HTR3A: variants seen among roughly 807,000 people sequenced by gnomAD.
HTR3A encodes the protein 5-hydroxytryptamine (serotonin) receptor 3A, ionotropic.
A neutral mutation model predicts 54.8 loss-of-function variants in HTR3A; 45 were observed. The ratio of observed to expected loss-of-function variants is 0.82; its 90% CI spans 0.65 to 1.05. HTR3A has a LOEUF of 1.05. Ranked by LOEUF, HTR3A falls within the 50% of genes least tolerant of loss-of-function variation. HTR3A has a pLI of 0.00. For synonymous variants in HTR3A, 297 were observed against 256.0 expected (o/e 1.16, Z -1.53); for missense variants, 657 against 614.0 (o/e 1.07, Z -0.74).
At chr11:113,984,641 G>A (rs1414169425) in intron 5 of HTR3A, among the ~76,000 whole-genome samples, 2 of 151,896 alleles carry the variant, frequency 1.3e-5, no homozygotes, top group African/African-American at 2.4e-5. Flanking sequence ...CCCCCAGGCC[G>A]GGCGCGGTGG....
chr11:113,986,478 G>A (rs768486238), intron 6 of HTR3A, 40 bp from the exon 7 acceptor site: 1 of 1,607,896 alleles, frequency 6.2e-7, no homozygotes, highest in South Asian at 1.1e-5. Context: ...AGCAGAGCCT[G>A]TTTGCCCCAG....
chr11:113,989,760 T>G lies in HTR3A; in HGVS notation c.1434T>G (p.Ala478=). The part of the protein sequence containing the change: ...LVMLWSIWQY[A] The stretch of plus-strand genomic sequence containing the variant: ...TGCTCTGGTCCATCTGGCAGTACGC[T>G]TGAGTGGGTACAGCCCAGTGGAGGA... Residue 478 remains alanine (A), a synonymous_variant, in exon 9 of 9, where the codon GCT becomes GCG. Coordinates refer to ENST00000504030, the MANE Select transcript of HTR3A (RefSeq NM_000869.6). The surrounding 1 kb of genome is among the most constrained non-coding windows in gnomAD (Gnocchi z 4.4). 6.2e-7 allele frequency: 1 copy of G among 1,609,656 alleles called. No individual in the cohort carries two copies. The highest frequency in any genetic ancestry group is 8.5e-7 in the Non-Finnish European group (1 of 1,179,978).
rs74353090 is a variant in HTR3A at position 113,983,880 on chromosome 11, C to T, written c.544+591C>T. 2.8e-3 allele frequency among the ~76,000 whole-genome samples: 433 copies of T among 152,198 alleles called. 14 individuals carry two copies. The East Asian group carries it at 0.046, about 16-fold the overall frequency. On this transcript the variant is annotated intron_variant, in intron 5 of 8. Coordinates refer to ENST00000504030, the MANE Select transcript of HTR3A (RefSeq NM_000869.6). Reference sequence around the variant, plus strand: ...AAGCCAGTGAGATTTTAGTAAAATGCGAATCTGACCGTGTCACTTAAAACC... The same window carrying T: ...AAGCCAGTGAGATTTTAGTAAAATGTGAATCTGACCGTGTCACTTAAAACC...
chr11:113,981,424 G>T, intron 4 of HTR3A, 112 bp downstream of exon 4: 1 of 734,532 alleles, frequency 1.4e-6, no homozygotes. Flanking sequence ...ACCAGGAATT[G>T]CAGACTGTAG....
At chr11:113,983,967 C>G (rs1950456819) in intron 5 of HTR3A, among the ~76,000 whole-genome samples, 1 of 152,222 alleles carries the variant, frequency 6.6e-6, no homozygotes, top group Admixed American at 6.5e-5. Flanking sequence ...CTGCCACAGC[C>G]AGCTGCTCCA....
In HTR3A at chr11:113,975,394, T is replaced by A; in HGVS notation, c.67+2T>A. The A allele has an allele frequency of 1.2e-6, 2 of 1,611,090 alleles. No individual in the cohort carries two copies. Among genetic ancestry groups the A allele is most frequent in the Non-Finnish European group, 1.7e-6 (2 of 1,179,592 alleles). On this transcript the variant is annotated splice_donor_variant, in intron 1 of 8. Coordinates refer to ENST00000504030, the MANE Select transcript of HTR3A (RefSeq NM_000869.6). LOFTEE classifies it high-confidence loss of function. ...CCACACTCCTGGCACAGGGAGAAGG[T>A]AAGCAGACTTCGGGAAGCAGCAGGA... is the stretch of plus-strand genomic sequence containing the variant.
At chr11:113,983,349 A>C in intron 5 of HTR3A, 60 bp downstream of exon 5, 6 of 1,589,952 alleles carry the variant, frequency 3.8e-6, no homozygotes, top group Non-Finnish European at 5.2e-6. Flanking sequence ...GGGACACCTG[A>C]GCGAGGAGTG....
chr11:113,982,271 A>C (rs1199976232), intron 4 of HTR3A, among the ~76,000 whole-genome samples: 1 of 152,214 alleles, frequency 6.6e-6, no homozygotes, highest in Non-Finnish European at 1.5e-5. Context: ...GGAAGGTGAC[A>C]GGTGGGATCA....
chr11:113,988,838 C>CTATT (rs1950520947), intron 8 of HTR3A, among the ~76,000 whole-genome samples: 1 of 152,136 alleles, frequency 6.6e-6, no homozygotes, highest in Non-Finnish European at 1.5e-5. Context: ...TTTTGTGAGG[C>CTATT]TATTGTGAGG....
Position 113,983,153 on chromosome 11 carries a change from C to T in HTR3A, c.408C>T (p.Tyr136=), listed in dbSNP as rs150595107. The T allele has an allele frequency of 2.1e-4, 342 of 1,614,218 alleles. No homozygotes were observed. In the African/African-American group the frequency reaches 2.2e-3, roughly 10 times the overall value. The change falls in exon 5 of 9, where the codon TAC becomes TAT. Residue 136 remains tyrosine (Y), a synonymous_variant. Coordinates refer to ENST00000504030, the MANE Select transcript of HTR3A (RefSeq NM_000869.6). Reference sequence around the variant, plus strand: ...TGGGGAAGTCTCCAAATATCCCGTACGTGTATATTCGGCATCAAGGCGAAG... The same window carrying T: ...TGGGGAAGTCTCCAAATATCCCGTATGTGTATATTCGGCATCAAGGCGAAG... ...VDVGKSPNIP[Y]VYIRHQGEVQ... is the part of the protein sequence containing the mutation.
At chr11:113,975,485 G>C in intron 1 of HTR3A, 93 bp downstream of exon 1, 1 of 1,068,346 alleles carries the variant, frequency 9.4e-7, no homozygotes, top group Non-Finnish European at 1.4e-6. Context: ...GTGGAGAGGA[G>C]GGTGGGGAAC....
In HTR3A at chr11:113,981,144, A is replaced by C. The variant is rs553593574; in HGVS notation, c.265-59A>C. 1,095 of 1,055,592 alleles carry C rather than the reference A, an allele frequency of 1.0e-3. 18 individuals are homozygous for C. In the South Asian group the frequency reaches 0.013, roughly 13 times the overall value. The allele number at this position is 1,055,592 out of a possible 1,614,324, so 65.4% of individuals were successfully genotyped here. A position where few individuals can be genotyped will look rare whatever the true frequency, so the allele number is the denominator to read the frequency against. On this transcript the variant is annotated intron_variant, in intron 3 of 8. Coordinates refer to ENST00000504030, the MANE Select transcript of HTR3A (RefSeq NM_000869.6). ...TGAGGGTGAAGTCTGCCTGAGTTGC[A>C]GGCGACCCTCACTGGAGATGGAGGG...
chr11:113,975,238 C>A lies in HTR3A; in HGVS notation c.-88C>A. On this transcript the variant is annotated 5_prime_UTR_variant, in exon 1 of 9. Coordinates refer to ENST00000504030, the MANE Select transcript of HTR3A (RefSeq NM_000869.6). Reference sequence around the variant, plus strand: ...GCCACGAGAGGCAGGCTGGCTGGGACATGAGGTTGGCAGAGGGCAGGCAAG... The same window carrying A: ...GCCACGAGAGGCAGGCTGGCTGGGAAATGAGGTTGGCAGAGGGCAGGCAAG... The A allele has an allele frequency of 1.6e-6, 2 of 1,285,898 alleles. No homozygotes were observed. The highest frequency in any genetic ancestry group is 2.2e-6 in the Non-Finnish European group (2 of 898,020). The allele number at this position is 1,285,898 out of a possible 1,614,324, so 79.7% of individuals were successfully genotyped here. A position where few individuals can be genotyped will look rare whatever the true frequency, so the allele number is the denominator to read the frequency against.
At position 113,986,170 on chromosome 11, in the gene HTR3A, T is replaced by C. The variant is rs1234627486; in HGVS notation, c.700T>C (p.Phe234Leu). 4 of 1,613,962 alleles carry C rather than the reference T, an allele frequency of 2.5e-6. No homozygotes were observed. Among genetic ancestry groups the C allele is most frequent in the Middle Eastern group, 1.6e-4 (1 of 6,084 alleles). The change falls in exon 6 of 9, where the codon TTC (phenylalanine) becomes CTC (leucine). Residue 234 changes from phenylalanine to leucine, a missense_variant. Physicochemically the swap from Phe to Leu is conservative, Grantham distance 22. Coordinates refer to ENST00000504030, the MANE Select transcript of HTR3A (RefSeq NM_000869.6). ...CAGTAACTACTATGCAGAAATGAAG[T>C]TCTATGTGAGTGGGAGTGAATGTGG... The part of the protein sequence containing the change: ...ESSNYYAEMK[F>L]YVVIRRRPLF...
intron 6 of HTR3A, 136 bp from the exon 7 acceptor site, chr11:113,986,381 TG>T: frequency 9.1e-7 from 1 of 1,098,288 alleles, no homozygotes; most frequent in Non-Finnish European, 1.3e-6. Flanking sequence ...AGGCAGGGTA[TG>T]GGGGTCTGTC....
Position 113,981,241 on chromosome 11 carries a change from C to T in HTR3A, c.303C>T (p.Asp101=). Residue 101 remains aspartate (D), a synonymous_variant, in exon 4 of 9, where the codon GAC becomes GAT. Coordinates refer to ENST00000504030, the MANE Select transcript of HTR3A (RefSeq NM_000869.6). ...AGTTTCTCCAGTGGAACCCTGAGGACTTTGACAACATCACCAAGTTGTCCA... is the reference window on the plus strand; with the variant it reads ...AGTTTCTCCAGTGGAACCCTGAGGATTTTGACAACATCACCAAGTTGTCCA... ...TDEFLQWNPE[D]FDNITKLSIP... The T allele has an allele frequency of 5.0e-6, 8 of 1,613,878 alleles. No homozygotes were observed. Among genetic ancestry groups the T allele is most frequent in the Non-Finnish European group, 5.9e-6 (7 of 1,179,738 alleles).
intron 8 of HTR3A, 76 bp downstream of exon 8, chr11:113,987,122 G>A (rs958421117): frequency 4.3e-5 from 64 of 1,486,672 alleles, no homozygotes; most frequent in Middle Eastern, 1.7e-4. Flanking sequence ...TCTGGAGGGC[G>A]TGGCCTGCCA....
intron 8 of HTR3A, among the ~76,000 whole-genome samples, chr11:113,988,985 C>A (rs150259434): frequency 6.6e-6 from 1 of 152,220 alleles, no homozygotes; most frequent in East Asian, 1.9e-4. Context: ...ATACGAGGAT[C>A]CTCAGTCATA....
At chr11:113,983,874 A>G (rs546253569) in intron 5 of HTR3A, among the ~76,000 whole-genome samples, 1 of 152,256 alleles carries the variant, frequency 6.6e-6, no homozygotes, top group East Asian at 1.9e-4. Context: ...AGATTTTAGT[A>G]AAATGCGAAT....
Sources: allele counts gnomAD v4.1 joint callset (sites outside exome capture counted in the v4.1 genomes callset), GRCh38; gene constraint gnomAD v4.1.1; non-coding constraint Gnocchi (gnomAD v3.1); transcripts MANE v1.5; gene names NCBI Gene and HGNC (gene_info 2026-07-23, HGNC 2026-07-21).